PRKG1: variants seen among roughly 807,000 people sequenced by gnomAD.
PRKG1 encodes protein kinase cGMP-dependent 1.
PRKG1 carries 35 observed loss-of-function variants against 88.1 expected under a neutral mutation model. The observed-to-expected ratio is 0.40, with a 90% CI of 0.30 to 0.53. PRKG1 has a LOEUF of 0.53. Ranked by LOEUF, PRKG1 falls within the 20% of genes least tolerant of loss-of-function variation. The pLI, the probability that PRKG1 is intolerant of heterozygous loss-of-function variation, is 0.59. For synonymous variants in PRKG1, 303 were observed against 292.5 expected, an observed-to-expected ratio of 1.04 and a Z score of -0.37; for missense variants, 540 against 839.8, an observed-to-expected ratio of 0.64 and a Z score of 4.41.
intron 2 of PRKG1, among the ~76,000 whole-genome samples, chr10:51,439,394 C>T (rs1367211350): frequency 1.3e-5 from 2 of 151,648 alleles, no homozygotes; most frequent in Non-Finnish European, 2.9e-5. Flanking sequence ...CTGTAGATTC[C>T]AGCCATTACT....
At chr10:51,018,458 T>A (rs1156643295) in intron 1 of PRKG1, among the ~76,000 whole-genome samples, 6 of 152,196 alleles carry the variant, frequency 3.9e-5, no homozygotes, top group African/African-American at 1.4e-4. Flanking sequence ...TTAAATAATT[T>A]AGTGGAGTCA....
intron 3 of PRKG1, among the ~76,000 whole-genome samples, chr10:51,785,394 G>T (rs1263814433): frequency 6.6e-6 from 1 of 151,972 alleles, no homozygotes; most frequent in Non-Finnish European, 1.5e-5. Context: ...AACAAGAAAA[G>T]AAAAACAAAA....
chr10:52,132,572 G>C (rs1361988630), intron 7 of PRKG1, among the ~76,000 whole-genome samples: 1 of 151,996 alleles, frequency 6.6e-6, no homozygotes, highest in Non-Finnish European at 1.5e-5. Context: ...AAGTCACTGG[G>C]AACATCTTTA....
At chr10:51,079,873 C>A (rs1239836818) in intron 1 of PRKG1, among the ~76,000 whole-genome samples, 2 of 152,112 alleles carry the variant, frequency 1.3e-5, no homozygotes, top group African/African-American at 2.4e-5. Context: ...TTAAAGAAAC[C>A]AAGTTCCAAG....
intron 5 of PRKG1, among the ~76,000 whole-genome samples, chr10:51,957,374 C>T (rs572402957): frequency 6.6e-6 from 1 of 151,560 alleles, no homozygotes; most frequent in Admixed American, 6.6e-5. Flanking sequence ...TCATTACAAC[C>T]TAAGACTCCT....
intron 3 of PRKG1, among the ~76,000 whole-genome samples, chr10:51,798,515 T>C (rs1399014908): frequency 6.6e-6 from 1 of 152,022 alleles, no homozygotes; most frequent in Non-Finnish European, 1.5e-5. Flanking sequence ...TGGCTGATAC[T>C]TCATAATATT....
chr10:52,030,188 C>T (rs1282970281), intron 5 of PRKG1, among the ~76,000 whole-genome samples: 2 of 152,142 alleles, frequency 1.3e-5, no homozygotes, highest in Non-Finnish European at 2.9e-5. Context: ...TTTAGTAATA[C>T]TGAGAAGTTT....
chr10:52,033,162 G>A (rs1845513952), intron 5 of PRKG1, among the ~76,000 whole-genome samples: 1 of 152,204 alleles, frequency 6.6e-6, no homozygotes, highest in South Asian at 2.1e-4. Flanking sequence ...TCTACTGAGT[G>A]CAAGTCATGC....
chr10:51,139,177 A>AT lies in PRKG1; in HGVS notation c.312-13986dup, dbSNP rs1182183879. 4.6e-5 allele frequency among the ~76,000 whole-genome samples: 7 copies of AT among 152,180 alleles called. No individual in the cohort carries two copies. In the East Asian group the frequency reaches 1.3e-3, roughly 29 times the overall value. On this transcript the variant is annotated intron_variant, in intron 1 of 17. Coordinates refer to ENST00000373980, the MANE Select transcript of PRKG1 (RefSeq NM_006258.4). Reference sequence around the variant, plus strand: ...TTTCTAGCAAGTTTCAGTTGCTGTGATACCCTTATGCTTAAAGTAATCTGA... The same window carrying AT: ...TTTCTAGCAAGTTTCAGTTGCTGTGATTACCCTTATGCTTAAAGTAATCTGA...
intron 3 of PRKG1, among the ~76,000 whole-genome samples, chr10:51,470,852 C>G (rs78325775): frequency 0.096 from 14,628 of 151,780 alleles, 777 homozygotes; most frequent in South Asian, 0.14. Flanking sequence ...GAAGCAAGCT[C>G]TTTGGTTTTC....
intron 7 of PRKG1, among the ~76,000 whole-genome samples, chr10:52,123,158 C>G (rs1029091426): frequency 6.6e-6 from 1 of 152,094 alleles, no homozygotes; most frequent in Non-Finnish European, 1.5e-5. Context: ...ATAAAAAATT[C>G]ATTATGCTAT....
At position 51,797,608 on chromosome 10, in the gene PRKG1, C is replaced by A. The variant is rs970938227; in HGVS notation, c.593-6977C>A. On this transcript the variant is annotated intron_variant, in intron 3 of 17. Coordinates refer to ENST00000373980, the MANE Select transcript of PRKG1 (RefSeq NM_006258.4). ...TATAAATATCTAATATATAAATATA[C>A]AAATAAAATACATATGTAATAAACT... 4.8e-5 allele frequency among the ~76,000 whole-genome samples: 7 copies of A among 146,034 alleles called. No individual in the cohort carries two copies. The East Asian group carries it at 1.4e-3, about 29-fold the overall frequency.
intron 2 of PRKG1, among the ~76,000 whole-genome samples, chr10:51,393,443 A>G (rs2132653519): frequency 6.6e-6 from 1 of 152,186 alleles, no homozygotes; most frequent in East Asian, 1.9e-4. Flanking sequence ...GACGCTCCTC[A>G]CTTCCCAGAC....
chr10:51,104,544 G>T (rs535092858), intron 1 of PRKG1, among the ~76,000 whole-genome samples: 1 of 152,138 alleles, frequency 6.6e-6, no homozygotes, highest in Admixed American at 6.5e-5. Flanking sequence ...TCTTGAGATG[G>T]AGTTTCACTC....
At chr10:51,588,710 T>C (rs1250870749) in intron 3 of PRKG1, among the ~76,000 whole-genome samples, 1 of 152,184 alleles carries the variant, frequency 6.6e-6, no homozygotes, top group African/African-American at 2.4e-5. Flanking sequence ...GAAAATTAAC[T>C]GAGGGTTGAG....
chr10:52,000,919 T>G (rs1844577640), intron 5 of PRKG1, among the ~76,000 whole-genome samples: 1 of 151,974 alleles, frequency 6.6e-6, no homozygotes, highest in Admixed American at 6.6e-5. Context: ...ATCACAAGAA[T>G]CTGAAATTTG....
At chr10:51,381,889 C>T (rs1015579360) in intron 2 of PRKG1, among the ~76,000 whole-genome samples, 1 of 152,100 alleles carries the variant, frequency 6.6e-6, no homozygotes, top group African/African-American at 2.4e-5. Context: ...AGCTGTATTA[C>T]CTTGTGTCAC....
chr10:51,329,114 G>A (rs1032776858), intron 2 of PRKG1, among the ~76,000 whole-genome samples: 23 of 152,024 alleles, frequency 1.5e-4, no homozygotes, highest in African/African-American at 5.6e-4. Context: ...ATTGCCTTTG[G>A]TGTCATATCC....
At position 52,210,658 on chromosome 10, in the gene PRKG1, TCTC is replaced by T. The variant is rs547992598; in HGVS notation, c.1077-40911_1077-40909del. On this transcript the variant is annotated intron_variant, in intron 9 of 17. Transcript: ENST00000373980. ...TGGAATAAAACAAAGAAAAATGAAA[TCTC>T]AGAGATATCTGCTAATTTTATTCAA... 3.2e-3 allele frequency among the ~76,000 whole-genome samples: 487 copies of T among 152,286 alleles called. 3 individuals carry two copies. Among genetic ancestry groups the T allele is most frequent in the Middle Eastern group, 0.01 (3 of 294 alleles).
Sources: gnomAD v4.1 joint callset for allele counts (sites outside exome capture counted in the v4.1 genomes callset) on GRCh38, gnomAD v4.1.1 for gene constraint, MANE v1.5 for transcripts, NCBI Gene and HGNC (gene_info 2026-07-23, HGNC 2026-07-21) for gene names.